RPS6KC1: variants seen among roughly 807,000 people sequenced by gnomAD.
The protein encoded by RPS6KC1 is ribosomal protein S6 kinase C1.
Under a neutral mutation model 103.8 loss-of-function variants are expected in RPS6KC1, and 54 were observed. That is an observed-to-expected ratio of 0.52 (90% CI 0.42 to 0.65). RPS6KC1 has a LOEUF of 0.65. RPS6KC1 is among the 30% of genes least tolerant of loss of function. The pLI is 0.00. For missense variants in RPS6KC1, 1,151 were observed against 1,253.8 expected (o/e 0.92, Z 1.24); for synonymous variants, 439 against 438.7 (o/e 1.00, Z -0.01).
At chr1:213,196,924 C>T (rs948044491) in intron 8 of RPS6KC1, among the ~76,000 whole-genome samples, 1 of 152,128 alleles carries the variant, frequency 6.6e-6, no homozygotes, top group African/African-American at 2.4e-5. Flanking sequence ...GCAACCTCCG[C>T]CTCCTGGGTT....
chr1:213,564,202 T>C, the RPS6KC1 span, among the ~76,000 whole-genome samples: 1 of 152,192 alleles, frequency 6.6e-6, no homozygotes, highest in Non-Finnish European at 1.5e-5. Flanking sequence ...CACTTTTAAA[T>C]GATAGGTTAA....
chr1:213,799,004 A>T, the RPS6KC1 span, among the ~76,000 whole-genome samples: 1 of 152,172 alleles, frequency 6.6e-6, no homozygotes, highest in Non-Finnish European at 1.5e-5. Context: ...TCTGACCTCA[A>T]CTAGTTTGGA....
At chr1:213,796,260 C>T in the RPS6KC1 span, among the ~76,000 whole-genome samples, 1 of 152,188 alleles carries the variant, frequency 6.6e-6, no homozygotes, top group African/African-American at 2.4e-5. Flanking sequence ...CGGTCCATGA[C>T]ATTACGGTGA....
At chr1:213,520,956 A>G in the RPS6KC1 span, among the ~76,000 whole-genome samples, 1 of 152,204 alleles carries the variant, frequency 6.6e-6, no homozygotes, top group East Asian at 1.9e-4. Flanking sequence ...AGAGTTAACC[A>G]TTATTGGCCA....
intron 6 of RPS6KC1, among the ~76,000 whole-genome samples, chr1:213,152,802 G>A (rs993196611): frequency 7.2e-5 from 11 of 152,172 alleles, no homozygotes; most frequent in South Asian, 6.2e-4. Flanking sequence ...ATGATGGGCC[G>A]CCAGGCAGAG....
intron 6 of RPS6KC1, among the ~76,000 whole-genome samples, chr1:213,145,992 T>TTTTTTTTTTTTTTTTTTTC (rs2087743362): frequency 7.0e-6 from 1 of 143,288 alleles, no homozygotes; most frequent in Non-Finnish European, 1.5e-5. Context: ...TTTTTTTTTT[T>TTTTTTTTTTTTTTTTTTTC]TTGGTATATG....
chr1:213,618,425 T>A, the RPS6KC1 span, among the ~76,000 whole-genome samples: 1 of 152,194 alleles, frequency 6.6e-6, no homozygotes, highest in East Asian at 1.9e-4. Flanking sequence ...TGGGTTGAAA[T>A]CCTGACTTCA....
chr1:213,662,069 G>A, the RPS6KC1 span, among the ~76,000 whole-genome samples: 1 of 152,114 alleles, frequency 6.6e-6, no homozygotes, highest in Non-Finnish European at 1.5e-5. Context: ...GTTGGAGGGA[G>A]AACCCAATGT....
chr1:213,325,862 A>G, the RPS6KC1 span, among the ~76,000 whole-genome samples: 1 of 152,238 alleles, frequency 6.6e-6, no homozygotes, highest in East Asian at 1.9e-4. Flanking sequence ...TTTCGTTCAC[A>G]GGATCATGTT....
chr1:213,685,652 A>G, the RPS6KC1 span, among the ~76,000 whole-genome samples: 123 of 151,704 alleles, frequency 8.1e-4, no homozygotes, highest in Middle Eastern at 3.4e-3. Flanking sequence ...AAAAGATAAG[A>G]CTTTAAGCAA....
chr1:213,206,313 T>C (rs552218798), intron 8 of RPS6KC1, among the ~76,000 whole-genome samples: 4 of 152,242 alleles, frequency 2.6e-5, no homozygotes, highest in Non-Finnish European at 5.9e-5. Flanking sequence ...ACAGATCTTG[T>C]GGTCTATCTA....
At chr1:213,217,188 A>T (rs1474021709) in intron 8 of RPS6KC1, among the ~76,000 whole-genome samples, 1 of 151,792 alleles carries the variant, frequency 6.6e-6, no homozygotes, top group East Asian at 1.9e-4. Context: ...GATAAAGGGG[A>T]TATCACTACC....
rs2088916034 is a variant in RPS6KC1 at position 213,151,559 on chromosome 1, G to A, written c.836-16299G>A. ...CCAGTAGGGGCGGCTGGGCAGAGGC[G>A]CCCCTCACCTCCCGGATGGGGCGGC... On this transcript the variant is annotated intron_variant, in intron 6 of 14. Coordinates refer to ENST00000366960, the MANE Select transcript of RPS6KC1 (RefSeq NM_012424.6). 4.9e-5 allele frequency among the ~76,000 whole-genome samples: 4 copies of A among 81,588 alleles called. 1 individual carries two copies. Among genetic ancestry groups the A allele is most frequent in the Non-Finnish European group, 7.4e-5 (3 of 40,718 alleles). The allele number at this position is 81,588 out of a possible 152,430, so 53.5% of individuals were successfully genotyped here.
the RPS6KC1 span, among the ~76,000 whole-genome samples, chr1:213,643,899 G>C: frequency 0.021 from 3,168 of 151,960 alleles, 118 homozygotes; most frequent in African/African-American, 0.073. Context: ...TCAGATAGTT[G>C]CAATTTTTAA....
At chr1:213,798,074 A>G in the RPS6KC1 span, among the ~76,000 whole-genome samples, 3 of 152,186 alleles carry the variant, frequency 2.0e-5, no homozygotes, top group Admixed American at 1.3e-4. Context: ...AGATGCCTGA[A>G]ACTCTGTGCT....
chr1:213,727,117 G>A, the RPS6KC1 span, among the ~76,000 whole-genome samples: 1 of 152,292 alleles, frequency 6.6e-6, no homozygotes, highest in South Asian at 2.1e-4. Context: ...CCTTTCAGCT[G>A]AGCCCACCTA....
At chr1:213,543,963 A>G in the RPS6KC1 span, among the ~76,000 whole-genome samples, 3 of 152,194 alleles carry the variant, frequency 2.0e-5, no homozygotes, top group African/African-American at 4.8e-5. Flanking sequence ...AACCCATTTC[A>G]GTGCATTATT....
the RPS6KC1 span, among the ~76,000 whole-genome samples, chr1:213,334,016 C>T: frequency 6.6e-6 from 1 of 152,132 alleles, no homozygotes; most frequent in African/African-American, 2.4e-5. Flanking sequence ...AGAAGAGGCA[C>T]TCAGTGGAGA....
At chr1:213,791,956 A>T in the RPS6KC1 span, among the ~76,000 whole-genome samples, 1 of 152,314 alleles carries the variant, frequency 6.6e-6, no homozygotes, top group Admixed American at 6.5e-5. Context: ...TGCACATAGT[A>T]CGCCATGTTC....
Sources: allele counts gnomAD v4.1 joint callset (sites outside exome capture counted in the v4.1 genomes callset), GRCh38; gene constraint gnomAD v4.1.1; transcripts MANE v1.5; gene names NCBI Gene and HGNC (gene_info 2026-07-23, HGNC 2026-07-21).